The following RGS6 variants were observed in gnomAD, a reference collection of about 807,000 sequenced individuals.
RGS6 encodes the protein regulator of G protein signaling 6, also known as regulator of G-protein signaling 6.
In RGS6, 30 loss-of-function variants were observed where a neutral mutation model predicts 78.5. The ratio of observed to expected loss-of-function variants is 0.38; its 90% CI spans 0.29 to 0.52. The LOEUF (loss-of-function observed/expected upper bound fraction) is 0.52. RGS6 is among the 20% of genes least tolerant of loss of function. RGS6 has a pLI of 0.85. For missense variants in RGS6, 495 were observed against 609.7 expected (o/e 0.81, Z 1.98); for synonymous variants, 206 against 206.0 (o/e 1.00, Z 0.00).
chr14:72,209,262 C>T (rs895546532), intron 2 of RGS6, among the ~76,000 whole-genome samples: 20 of 151,916 alleles, frequency 1.3e-4, no homozygotes, highest in Non-Finnish European at 2.1e-4. Context: ...TATATGCGTA[C>T]GTTTAGTATC....
chr14:72,511,704 G>A (rs2096880006), intron 14 of RGS6: 1 of 152,250 alleles, frequency 6.6e-6, no homozygotes, highest in South Asian at 2.1e-4. Context: ...GAGGAAAGAG[G>A]TGGCCGTGGG....
chr14:72,469,591 C>T (rs2096018715), intron 7 of RGS6: 1 of 155,534 alleles, frequency 6.4e-6, no homozygotes, highest in Non-Finnish European at 1.4e-5. Flanking sequence ...CCCAGCTCCC[C>T]ACTGGAAGAG....
chr14:71,950,006 T>A (rs1216227414), intron 1 of RGS6, among the ~76,000 whole-genome samples: 1 of 152,194 alleles, frequency 6.6e-6, no homozygotes, highest in African/African-American at 2.4e-5. Flanking sequence ...TGTTTTCTAG[T>A]CCATTCCATT....
At chr14:72,296,485 C>G (rs761298109) in intron 2 of RGS6, among the ~76,000 whole-genome samples, 1 of 152,120 alleles carries the variant, frequency 6.6e-6, no homozygotes, top group South Asian at 2.1e-4. Flanking sequence ...ACATCCTTGC[C>G]AACACTTAAT....
chr14:72,472,470 G>A (rs2096110105), intron 8 of RGS6, among the ~76,000 whole-genome samples: 1 of 152,240 alleles, frequency 6.6e-6, no homozygotes, highest in African/African-American at 2.4e-5. Flanking sequence ...ACACTGGCAA[G>A]ATGGTGGTTA....
At chr14:72,312,540 ATCT>A (rs1401286285) in intron 2 of RGS6, among the ~76,000 whole-genome samples, 1 of 152,174 alleles carries the variant, frequency 6.6e-6, no homozygotes, top group Non-Finnish European at 1.5e-5. Flanking sequence ...AAGTGTCCAG[ATCT>A]TCTTGGGAAT....
chr14:71,996,552 AC>A (rs1307149243), intron 2 of RGS6, among the ~76,000 whole-genome samples: 2 of 152,114 alleles, frequency 1.3e-5, no homozygotes, highest in African/African-American at 4.8e-5. Flanking sequence ...ACTGGGGGCA[AC>A]TGGGGGATCA....
At chr14:72,551,600 C>T (rs993992072) in intron 17 of RGS6, among the ~76,000 whole-genome samples, 10 of 152,216 alleles carry the variant, frequency 6.6e-5, no homozygotes, top group Admixed American at 1.3e-4. Context: ...CACCAGAATG[C>T]AGAGAAGTAA....
intron 4 of RGS6, among the ~76,000 whole-genome samples, chr14:72,455,545 A>G (rs190507375): frequency 3.8e-4 from 58 of 152,342 alleles, no homozygotes; most frequent in African/African-American, 1.3e-3. Flanking sequence ...GTTCAATTAT[A>G]TACAGTTGTT....
the RGS6 span, among the ~76,000 whole-genome samples, chr14:72,577,519 T>G: frequency 6.6e-6 from 1 of 152,220 alleles, no homozygotes; most frequent in Non-Finnish European, 1.5e-5. Context: ...CAGTTCCAGT[T>G]CTTACCATCA....
Position 72,454,452 on chromosome 14 carries a change from T to A in RGS6, c.185-76T>A. 3.5e-6 allele frequency: 5 copies of A among 1,433,670 alleles called. No homozygotes were observed. In the South Asian group the frequency reaches 5.7e-5, roughly 16 times the overall value. 88.8% of individuals were successfully genotyped at this position (1,433,670 alleles called of 1,614,324 possible). A position where few individuals can be genotyped will look rare whatever the true frequency, so the allele number is the denominator to read the frequency against. ...TGGACTGTTTGGAATTAGGATTCTC[T>A]TAGGTAAACATGTTTCTTCTGCCAC... On this transcript the variant is annotated intron_variant, in intron 3 of 17. Coordinates refer to ENST00000553525, the MANE Select transcript of RGS6 (RefSeq NM_001204424.2).
intron 2 of RGS6, among the ~76,000 whole-genome samples, chr14:72,266,420 C>T (rs544920891): frequency 2.0e-5 from 3 of 152,136 alleles, no homozygotes; most frequent in East Asian, 3.9e-4. Context: ...ACAGTTATGC[C>T]GTCCTCCCAG....
intron 2 of RGS6, among the ~76,000 whole-genome samples, chr14:72,007,979 TC>T (rs1163290423): frequency 2.0e-5 from 3 of 152,032 alleles, no homozygotes; most frequent in African/African-American, 4.8e-5. Context: ...GAAAACTAAC[TC>T]CCCAAGCACA....
chr14:72,214,280 G>A lies in RGS6; in HGVS notation c.85-137815G>A, dbSNP rs541107905. Among the ~76,000 whole-genome samples, 9 of 150,922 alleles carry A rather than the reference G, an allele frequency of 6.0e-5. No homozygotes were observed. The South Asian group carries it at 6.3e-4, about 11-fold the overall frequency. ...CAGCCTCTGCTTCCTGGGCTCAAGC[G>A]ATCCTCCCACCTCAGCCTCTTGAGT... On this transcript the variant is annotated intron_variant, in intron 2 of 17. Transcript: ENST00000553525.
At chr14:72,082,399 T>C (rs558671682) in intron 2 of RGS6, among the ~76,000 whole-genome samples, 2 of 152,188 alleles carry the variant, frequency 1.3e-5, no homozygotes, top group African/African-American at 2.4e-5. Context: ...TATTTGTAGC[T>C]ATTGAAAAAA....
At chr14:72,286,209 A>G (rs764905509) in intron 2 of RGS6, among the ~76,000 whole-genome samples, 10 of 152,206 alleles carry the variant, frequency 6.6e-5, no homozygotes, top group Non-Finnish European at 1.3e-4. Flanking sequence ...TAAGCATTCA[A>G]TTTCATTCTT....
At chr14:72,150,408 G>A (rs568289795) in intron 2 of RGS6, among the ~76,000 whole-genome samples, 19 of 152,200 alleles carry the variant, frequency 1.2e-4, no homozygotes, top group Non-Finnish European at 2.1e-4. Flanking sequence ...TTTAAGCCAC[G>A]TAGTTTGTGG....
intron 2 of RGS6, among the ~76,000 whole-genome samples, chr14:71,981,972 G>C (rs1416874747): frequency 9.3e-5 from 14 of 150,436 alleles, no homozygotes; most frequent in Non-Finnish European, 1.8e-4. Context: ...AGCCAGGTGT[G>C]GGATATAATC....
intron 2 of RGS6, among the ~76,000 whole-genome samples, chr14:72,322,488 G>A (rs1378514691): frequency 1.3e-5 from 2 of 151,826 alleles, no homozygotes; most frequent in African/African-American, 4.8e-5. Context: ...AAACCTATAA[G>A]GAAAAAATAG....
Sources: gnomAD v4.1 joint callset for allele counts (sites outside exome capture counted in the v4.1 genomes callset) on GRCh38, gnomAD v4.1.1 for gene constraint, MANE v1.5 for transcripts, NCBI Gene and HGNC (gene_info 2026-07-23, HGNC 2026-07-21) for gene names.